ACIN1: variants seen among roughly 807,000 people sequenced by gnomAD.
ACIN1 encodes the protein apoptotic chromatin condensation inducer in the nucleus.
ACIN1 carries 16 observed loss-of-function variants against 146.6 expected under a neutral mutation model. That is an observed-to-expected ratio of 0.11 (90% CI 0.07 to 0.17). The LOEUF is 0.17. ACIN1 is among the 10% of genes least tolerant of loss of function. ACIN1 has a pLI of 1.00. For synonymous variants in ACIN1, 569 were observed against 582.7 expected (o/e 0.98, Z 0.34); for missense variants, 1,357 against 1,609.3 (o/e 0.84, Z 2.68).
Position 23,080,126 on chromosome 14 carries a change from G to C in ACIN1, c.1209C>G (p.Thr403=). Residue 403 remains threonine, a synonymous_variant, in exon 6 of 19, where the codon ACC becomes ACG. Transcript: ENST00000605057. The part of the protein sequence containing the change: ...QLSPPNTDAD[T]RELLVSQHTV... ...TATGCTGAGATACTAATAGCTCCCT[G>C]GTGTCAGCATCTGTATTAGGAGGAG... 1 of 1,614,152 alleles carries C rather than the reference G, an allele frequency of 6.2e-7. No homozygotes were observed. The highest frequency in any genetic ancestry group is 1.1e-5 in the South Asian group (1 of 91,084).
Position 23,078,246 on chromosome 14 carries a change from T to G in ACIN1, c.2028A>C (p.Glu676Asp). ...CAGCTGGTGGCTCTGCCTCTTCAGC[T>G]TCACACTTCTTTGGGCTCCCCTGTC... is the stretch of plus-strand genomic sequence containing the variant. ...QPERGSPKKC[E>D]AEEAEPPAAT... is the part of the protein sequence containing the mutation. The change falls in exon 8 of 19, where the codon GAA becomes GAC. Residue 676 changes from glutamate to aspartate, a missense_variant. Glu to Asp is a conservative substitution (Grantham distance 45). Coordinates refer to ENST00000605057, the MANE Select transcript of ACIN1 (RefSeq NM_001386863.1). 1 of 1,614,148 alleles carries G rather than the reference T, an allele frequency of 6.2e-7. No individual in the cohort carries two copies. The highest frequency in any genetic ancestry group is 8.5e-7 in the Non-Finnish European group (1 of 1,180,004).
intron 8 of ACIN1, among the ~76,000 whole-genome samples, chr14:23,072,695 T>C (rs1234834000): frequency 6.6e-6 from 1 of 152,234 alleles, no homozygotes. Flanking sequence ...ATTTGAGCTT[T>C]TAAGCTAGGA....
Position 23,067,017 on chromosome 14 carries a change from C to T in ACIN1, c.2266-1009G>A, listed in dbSNP as rs946851603. Among the ~76,000 whole-genome samples, 6 of 152,044 alleles carry T rather than the reference C, an allele frequency of 3.9e-5. No homozygotes were observed. Among genetic ancestry groups the T allele is most frequent in the Admixed American group, 2.0e-4 (3 of 15,270 alleles). On this transcript the variant is annotated intron_variant, in intron 9 of 18. Transcript: ENST00000605057. This position sits in a 1 kb window ranked among gnomAD's most constrained non-coding sequence, Gnocchi z 4.6. ...AAACCTCGTGATGAAATCCCTTTCC[C>T]ATCCACCCCCACCCGCAGCCCCGTT...
chr14:23,059,798 C>T (rs931715002), intron 18 of ACIN1, among the ~76,000 whole-genome samples: 14 of 151,658 alleles, frequency 9.2e-5, no homozygotes, highest in African/African-American at 1.5e-4. Context: ...GGACCACAGG[C>T]GCCCGCGACC....
In ACIN1 at chr14:23,074,075, T is replaced by C. The variant is rs2047736808; in HGVS notation, c.2123+4076A>G. Among the ~76,000 whole-genome samples, 3 of 151,792 alleles carry C rather than the reference T, an allele frequency of 2.0e-5. No individual in the cohort carries two copies. The South Asian group carries it at 6.3e-4, about 32-fold the overall frequency. ...GGATGGTCTCGATCTTCTGACCTTG[T>C]GATTCGCGCGTCTCGGCCTCCCAAA... On this transcript the variant is annotated intron_variant, in intron 8 of 18. Coordinates refer to ENST00000605057, the MANE Select transcript of ACIN1 (RefSeq NM_001386863.1).
chr14:23,081,954 T>G, intron 4 of ACIN1, 118 bp from the exon 5 acceptor site: 1 of 721,338 alleles, frequency 1.4e-6, no homozygotes, highest in Non-Finnish European at 2.2e-6. Flanking sequence ...TCAAGACATA[T>G]CTGTATCGGT....
intron 1 of ACIN1, 187 bp downstream of exon 1, chr14:23,094,788 G>C: frequency 1.1e-6 from 1 of 921,910 alleles, no homozygotes; most frequent in Non-Finnish European, 1.6e-6. Flanking sequence ...TGCCGTTAAG[G>C]CGGGAACCGG....
intron 8 of ACIN1, among the ~76,000 whole-genome samples, chr14:23,074,287 C>T (rs181826179): frequency 3.5e-4 from 53 of 151,264 alleles, no homozygotes; most frequent in African/African-American, 1.2e-3. Flanking sequence ...TAATGAGGGC[C>T]GGGCATGGTG....
chr14:23,091,065 C>T (rs955712903), intron 2 of ACIN1, among the ~76,000 whole-genome samples: 5 of 152,000 alleles, frequency 3.3e-5, no homozygotes, highest in Non-Finnish European at 5.9e-5. Context: ...CCACCACACT[C>T]GGCTGATTTT....
chr14:23,095,532 G>T, upstream of ACIN1: 1 of 515,844 alleles, frequency 1.9e-6, no homozygotes. Context: ...CCCAGCTTAG[G>T]GTTTTCAGGA....
intron 18 of ACIN1, among the ~76,000 whole-genome samples, chr14:23,059,740 A>G (rs936358865): frequency 1.4e-5 from 2 of 141,352 alleles, no homozygotes; most frequent in African/African-American, 5.4e-5. Context: ...TGCAAGCTCC[A>G]CCTCCCGGGT....
Position 23,079,852 on chromosome 14 carries a change from C to T in ACIN1, c.1483G>A (p.Glu495Lys), listed in dbSNP as rs2140152640. 6.2e-7 allele frequency: 1 copy of T among 1,614,190 alleles called. No individual in the cohort carries two copies. The highest frequency in any genetic ancestry group is 8.5e-7 in the Non-Finnish European group (1 of 1,180,026). ...TEECLKQPSLEQKEGRRASHT... is the reference protein window; with the variant it reads ...TEECLKQPSLKQKEGRRASHT... Reference sequence around the variant, plus strand: ...GAAGCTCTTCTGCCTTCCTTCTGTTCCAAAGATGGCTGTTTCAGACATTCT... The same window carrying T: ...GAAGCTCTTCTGCCTTCCTTCTGTTTCAAAGATGGCTGTTTCAGACATTCT... The change falls in exon 6 of 19, where the codon GAA becomes AAA. Residue 495 changes from glutamate (E) to lysine (K), a missense_variant. Glu to Lys is a moderately conservative substitution (Grantham distance 56). Around this residue, in one of 4 missense-constraint regions of ACIN1, gnomAD observed 771 missense variants for 746.6 expected, o/e 1.03. Coordinates refer to ENST00000605057, the MANE Select transcript of ACIN1 (RefSeq NM_001386863.1).
In ACIN1 at chr14:23,093,625, A is replaced by G. The variant is rs2048285737; in HGVS notation, c.139-81T>C. 2.6e-6 allele frequency: 3 copies of G among 1,140,566 alleles called. No homozygotes were observed. In the South Asian group the frequency reaches 3.8e-5, roughly 15 times the overall value. 70.7% of individuals were successfully genotyped at this position (1,140,566 alleles called of 1,614,324 possible). A position where few individuals can be genotyped will look rare whatever the true frequency, so the allele number is the denominator to read the frequency against. ...CCCCCACCTCTACCACAACCTCTAAATTAAACGCAATGACTTAAATACACA... is the reference window on the plus strand; with the variant it reads ...CCCCCACCTCTACCACAACCTCTAAGTTAAACGCAATGACTTAAATACACA... On this transcript the variant is annotated intron_variant, in intron 1 of 18. Transcript: ENST00000605057.
Position 23,061,637 on chromosome 14 carries a change from G to A in ACIN1, c.3100-15C>T. 4.0e-6 allele frequency: 6 copies of A among 1,516,406 alleles called. No individual in the cohort carries two copies. Among genetic ancestry groups the A allele is most frequent in the African/African-American group, 2.8e-5 (2 of 72,430 alleles). The allele number at this position is 1,516,406 out of a possible 1,614,324, so 93.9% of individuals were successfully genotyped here. A position where few individuals can be genotyped will look rare whatever the true frequency, so the allele number is the denominator to read the frequency against. On this transcript the variant is annotated splice_polypyrimidine_tract_variant and intron_variant, in intron 16 of 18. Coordinates refer to ENST00000605057, the MANE Select transcript of ACIN1 (RefSeq NM_001386863.1). ...TGATAATCCAGCTGTGGGGAGAGGA[G>A]GGACAAGGACAGTTAGGATAGAGGT...
In ACIN1 at chr14:23,078,891, C is replaced by G; in HGVS notation, c.1936G>C (p.Val646Leu). ...KERTSTSSSS[V>L]QARRLSQPES... is the part of the protein sequence containing the mutation. ...GGCTGACTCAGACGCCTTGCTTGGACAGAGGATGAGGAGGTGGAAGTCCTC... is the reference window on the plus strand; with the variant it reads ...GGCTGACTCAGACGCCTTGCTTGGAGAGAGGATGAGGAGGTGGAAGTCCTC... Residue 646 changes from valine to leucine, a missense_variant, in exon 7 of 19, where the codon GTC (valine) becomes CTC (leucine). Around this residue, in one of 4 missense-constraint regions of ACIN1, gnomAD observed 771 missense variants for 746.6 expected, o/e 1.03. Coordinates refer to ENST00000605057, the MANE Select transcript of ACIN1 (RefSeq NM_001386863.1). 6.2e-7 allele frequency: 1 copy of G among 1,613,972 alleles called. No homozygotes were observed. The highest frequency in any genetic ancestry group is 1.1e-5 in the South Asian group (1 of 91,074).
At chr14:23,063,248 G>T in intron 13 of ACIN1, 174 bp from the exon 14 acceptor site, 1 of 1,099,978 alleles carries the variant, frequency 9.1e-7, no homozygotes, top group Non-Finnish European at 1.3e-6. Flanking sequence ...TCCTCATCAT[G>T]GAGATTCAAA....
At chr14:23,060,459 G>A (rs1283208061) in intron 18 of ACIN1, among the ~76,000 whole-genome samples, 1 of 151,864 alleles carries the variant, frequency 6.6e-6, no homozygotes, top group Admixed American at 6.6e-5. Context: ...TTAAAAAGCA[G>A]GGAAATGAAT....
At chr14:23,092,121 T>C (rs980575500) in intron 2 of ACIN1, among the ~76,000 whole-genome samples, 3 of 152,026 alleles carry the variant, frequency 2.0e-5, no homozygotes, top group African/African-American at 7.2e-5. Flanking sequence ...GTAATACAGA[T>C]TCCCAAGTTG....
At chr14:23,071,092 GA>G in intron 8 of ACIN1, 1 of 1,543,188 alleles carries the variant, frequency 6.5e-7, no homozygotes, top group Non-Finnish European at 8.8e-7. Flanking sequence ...GGGCGGCGGG[GA>G]AAAGGCATAC....
Sources: allele counts gnomAD v4.1 joint callset (sites outside exome capture counted in the v4.1 genomes callset), GRCh38; gene constraint gnomAD v4.1.1; regional missense constraint gnomAD v4.1.1; non-coding constraint Gnocchi (gnomAD v3.1); transcripts MANE v1.5; gene names NCBI Gene and HGNC (gene_info 2026-07-23, HGNC 2026-07-21).